NGEF: variants seen among roughly 807,000 people sequenced by gnomAD.
The protein encoded by NGEF is ephexin-1.
In NGEF, 31 loss-of-function variants were observed where a neutral mutation model predicts 80.9. The observed-to-expected ratio is 0.38, with a 90% confidence interval of 0.29 to 0.52. The LOEUF is 0.52. NGEF is among the 20% of genes least tolerant of loss of function. The pLI is 0.84. For synonymous variants in NGEF, 371 were observed against 370.2 expected (o/e 1.00, Z -0.03); for missense variants, 709 against 926.2 (o/e 0.77, Z 3.04).
intron 5 of NGEF, among the ~76,000 whole-genome samples, chr2:232,916,164 TC>T (rs748918591): frequency 4.1e-4 from 62 of 152,252 alleles, no homozygotes; most frequent in Non-Finnish European, 9.0e-4. Flanking sequence ...AGGATTTTTA[TC>T]CAAAAAGAAG....
At chr2:232,937,594 A>G (rs1391149398) in intron 3 of NGEF, among the ~76,000 whole-genome samples, 1 of 152,308 alleles carries the variant, frequency 6.6e-6, no homozygotes, top group East Asian at 1.9e-4. Flanking sequence ...TTTGGGGGCA[A>G]CTATGAAGAG....
Position 232,894,746 on chromosome 2 carries a change from C to T in NGEF, c.989+10G>A. 1 of 1,558,792 alleles carries T rather than the reference C, an allele frequency of 6.4e-7. No homozygotes were observed. The highest frequency in any genetic ancestry group is 8.8e-7 in the Non-Finnish European group (1 of 1,138,844). Reference sequence around the variant, plus strand: ...GCCCTGAGGGAGGTGGCTGTCCCCCCCGTCCTCACCGCTCACTGACAGCCA... The same window carrying T: ...GCCCTGAGGGAGGTGGCTGTCCCCCTCGTCCTCACCGCTCACTGACAGCCA... On this transcript the variant is annotated intron_variant, in intron 6 of 14. Coordinates refer to ENST00000264051, the MANE Select transcript of NGEF (RefSeq NM_019850.3).
chr2:232,879,431 C>CA lies in NGEF; in HGVS notation c.*57_*58insT, dbSNP rs1390562467. On this transcript the variant is annotated 3_prime_UTR_variant, in exon 15 of 15. Coordinates refer to ENST00000264051, the MANE Select transcript of NGEF (RefSeq NM_019850.3). ...CTGTGCTTCCCAGAGCCCCCCCCCC[C>CA]CCACCTTCTGTCGGGGTCTCATGCA... 9.2e-4 allele frequency: 1,302 copies of CA among 1,408,622 alleles called. 8 individuals are homozygous for CA. The African/African-American group carries it at 0.016, about 18-fold the overall frequency. 87.3% of individuals were successfully genotyped at this position (1,408,622 alleles called of 1,614,324 possible). A position where few individuals can be genotyped will look rare whatever the true frequency, so the allele number is the denominator to read the frequency against.
intron 3 of NGEF, chr2:232,927,810 G>T (rs1693110458): frequency 2.3e-6 from 2 of 887,394 alleles, no homozygotes; most frequent in Non-Finnish European, 3.0e-6. Context: ...GCCGCGCAGG[G>T]GGTGCCCGGG....
intron 12 of NGEF, among the ~76,000 whole-genome samples, chr2:232,882,576 T>G (rs930460991): frequency 2.6e-5 from 4 of 152,178 alleles, no homozygotes; most frequent in African/African-American, 9.7e-5. Context: ...AAGAGCACAT[T>G]CCGTGGCCAC....
At chr2:232,961,504 A>G (rs13009854) in intron 3 of NGEF, among the ~76,000 whole-genome samples, 29,694 of 151,566 alleles carry the variant, frequency 0.2, 3,068 homozygotes, top group East Asian at 0.34. Flanking sequence ...TTTATTTTTT[A>G]TTTTTTGAGA....
intron 4 of NGEF, among the ~76,000 whole-genome samples, chr2:232,922,556 G>A (rs939610362): frequency 6.6e-6 from 1 of 152,176 alleles, no homozygotes; most frequent in Non-Finnish European, 1.5e-5. Flanking sequence ...ATAAAGACAG[G>A]TCCGACGTCA....
At position 233,013,193 on chromosome 2, in the gene NGEF, T is replaced by C. The variant is rs1695251636; in HGVS notation, c.-200A>G. 1 of 471,092 alleles carries C rather than the reference T, an allele frequency of 2.1e-6. No individual in the cohort carries two copies. Among genetic ancestry groups the C allele is most frequent in the Admixed American group, 2.3e-5 (1 of 42,562 alleles). 29.2% of individuals were successfully genotyped at this position (471,092 alleles called of 1,614,324 possible). The stretch of plus-strand genomic sequence containing the variant: ...GGCTAAATCCACAGGCGCTCCACTC[T>C]GTCCCAGAGAGCCCACAGCCAAAAA... On this transcript the variant is annotated 5_prime_UTR_variant, in exon 1 of 15. Coordinates refer to ENST00000264051, the MANE Select transcript of NGEF (RefSeq NM_019850.3).
intron 6 of NGEF, 128 bp from the exon 7 acceptor site, chr2:232,893,178 C>T (rs947982696): frequency 2.6e-5 from 23 of 869,378 alleles, no homozygotes; most frequent in Middle Eastern, 3.5e-4. Context: ...GCGTACAGGC[C>T]GACAAGATCC....
chr2:232,924,716 C>T (rs986862945), intron 4 of NGEF, among the ~76,000 whole-genome samples: 21 of 152,332 alleles, frequency 1.4e-4, no homozygotes, highest in Non-Finnish European at 2.5e-4. Context: ...AACTTCCTAC[C>T]TTTGGACTCA....
intron 3 of NGEF, among the ~76,000 whole-genome samples, chr2:232,928,621 C>T (rs989774456): frequency 6.6e-6 from 1 of 152,120 alleles, no homozygotes; most frequent in Non-Finnish European, 1.5e-5. Context: ...CTGCTCCAGG[C>T]GGAGACTGGG....
chr2:232,974,604 A>G lies in NGEF; in HGVS notation c.268+19T>C. ...TTGGATGTAAGGGAACAGCCGTGAC[A>G]GCTGTCCCTGATACTGACCTGCCAG... is the stretch of plus-strand genomic sequence containing the variant. On this transcript the variant is annotated intron_variant, in intron 2 of 14. Transcript: ENST00000264051. The G allele has an allele frequency of 1.2e-6, 2 of 1,611,226 alleles. No individual in the cohort carries two copies. Among genetic ancestry groups the G allele is most frequent in the Non-Finnish European group, 1.7e-6 (2 of 1,178,736 alleles).
chr2:232,881,729 G>A (rs1691510673), intron 13 of NGEF, among the ~76,000 whole-genome samples: 2 of 152,058 alleles, frequency 1.3e-5, no homozygotes, highest in African/African-American at 2.4e-5. Context: ...TTACAGGCAC[G>A]CACCACACCT....
chr2:232,891,547 C>G (rs560716507), intron 7 of NGEF, 60 bp from the exon 8 acceptor site: 34 of 1,540,608 alleles, frequency 2.2e-5, no homozygotes, highest in Non-Finnish European at 3.0e-5. Flanking sequence ...ACTGGAGACT[C>G]CTCCTCCCCA....
intron 5 of NGEF, among the ~76,000 whole-genome samples, chr2:232,896,876 G>A: frequency 7.9e-6 from 1 of 126,402 alleles, no homozygotes; most frequent in Non-Finnish European, 1.7e-5. Flanking sequence ...ATAGGGGTGA[G>A]GGTGTGGGTA....
chr2:232,941,955 C>CCCTTTTCCAGAAATTCT (rs1443033533), intron 3 of NGEF, among the ~76,000 whole-genome samples: 1 of 152,130 alleles, frequency 6.6e-6, no homozygotes, highest in African/African-American at 2.4e-5. Flanking sequence ...CCAGAAATTC[C>CCCTTTTCCAGAAATTCT]CCTTTTCCTT....
intron 3 of NGEF, among the ~76,000 whole-genome samples, chr2:232,934,995 G>T (rs1006731545): frequency 1.5e-4 from 22 of 150,346 alleles, no homozygotes; most frequent in African/African-American, 4.6e-4. Flanking sequence ...GCAACAGAGT[G>T]AGACTCTGTC....
intron 3 of NGEF, chr2:232,927,947 C>A (rs1175320170): frequency 7.5e-7 from 1 of 1,331,332 alleles, no homozygotes; most frequent in Admixed American, 3.2e-5. Flanking sequence ...CGAGGTGGAA[C>A]TGTCGTGGTC....
chr2:232,935,428 G>A (rs1359981145), intron 3 of NGEF, among the ~76,000 whole-genome samples: 3 of 152,158 alleles, frequency 2.0e-5, no homozygotes, highest in African/African-American at 7.2e-5. Context: ...GATCAGCCTG[G>A]CCAACATGGT....
Sources: gnomAD v4.1 joint callset for allele counts (sites outside exome capture counted in the v4.1 genomes callset) on GRCh38, gnomAD v4.1.1 for gene constraint, MANE v1.5 for transcripts, NCBI Gene and HGNC (gene_info 2026-07-23, HGNC 2026-07-21) for gene names.